The following CTNNA3 variants were observed in gnomAD, a reference collection of about 807,000 sequenced individuals.
CTNNA3 encodes catenin alpha-3.
A neutral mutation model predicts 95.7 loss-of-function variants in CTNNA3; 76 were observed. That is an observed-to-expected ratio of 0.79 (90% confidence interval 0.66 to 0.96). The LOEUF (loss-of-function observed/expected upper bound fraction) is 0.96. CTNNA3 is among the 40% of genes least tolerant of loss of function. The pLI is 0.00. For missense variants in CTNNA3, 1,191 were observed against 1,089.8 expected, an observed-to-expected ratio of 1.09 and a Z score of -1.31; for synonymous variants, 431 against 374.4, an observed-to-expected ratio of 1.15 and a Z score of -1.74.
intron 11 of CTNNA3, among the ~76,000 whole-genome samples, chr10:66,481,895 A>T (rs1280276702): frequency 6.6e-6 from 1 of 152,168 alleles, no homozygotes; most frequent in Non-Finnish European, 1.5e-5. Flanking sequence ...CAGCACAGCA[A>T]CACAGGTATT....
At chr10:67,582,952 T>C (rs1195403909) in intron 3 of CTNNA3, among the ~76,000 whole-genome samples, 3 of 152,106 alleles carry the variant, frequency 2.0e-5, no homozygotes, top group African/African-American at 7.3e-5. Context: ...CCTATGTGTG[T>C]CTCTGCACAA....
intron 10 of CTNNA3, among the ~76,000 whole-genome samples, chr10:66,604,548 A>G (rs1447618745): frequency 6.6e-6 from 1 of 152,080 alleles, no homozygotes; most frequent in East Asian, 1.9e-4. Flanking sequence ...GACACCACCC[A>G]TCAGAGAGTA....
intron 17 of CTNNA3, among the ~76,000 whole-genome samples, chr10:65,922,574 A>G (rs2077105030): frequency 6.6e-6 from 1 of 152,248 alleles, no homozygotes; most frequent in Non-Finnish European, 1.5e-5. Context: ...GTTCTAGGAC[A>G]TGGAAGTACA....
At chr10:66,117,955 G>C (rs2082409183) in intron 13 of CTNNA3, among the ~76,000 whole-genome samples, 1 of 152,256 alleles carries the variant, frequency 6.6e-6, no homozygotes, top group Non-Finnish European at 1.5e-5. Flanking sequence ...GCCCAAGAGA[G>C]AGACCACAGC....
intron 5 of CTNNA3, among the ~76,000 whole-genome samples, chr10:67,478,810 C>A (rs1013325286): frequency 6.6e-5 from 10 of 151,346 alleles, no homozygotes; most frequent in African/African-American, 2.4e-4. Context: ...AGTCTAAACA[C>A]CCCCACTTAA....
intron 7 of CTNNA3, 21 bp downstream of exon 7, chr10:67,180,296 G>A (rs771629381): frequency 9.3e-6 from 15 of 1,607,154 alleles, no homozygotes; most frequent in Non-Finnish European, 1.3e-5. Flanking sequence ...CTAGGGATGG[G>A]AAGGCAAACC....
At chr10:67,086,865 T>C (rs760944197) in intron 7 of CTNNA3, among the ~76,000 whole-genome samples, 1 of 152,026 alleles carries the variant, frequency 6.6e-6, no homozygotes. Context: ...GCCATACTTA[T>C]ATAAACCTAG....
In CTNNA3 at chr10:66,436,668, T is replaced by C. The variant is rs186487649; in HGVS notation, c.1532-57316A>G. 1.1e-4 allele frequency among the ~76,000 whole-genome samples: 17 copies of C among 152,216 alleles called. No homozygotes were observed. In the South Asian group the frequency reaches 3.5e-3, roughly 32 times the overall value. ...CAATTTGTCAGTCTGTGTCTTTTAA[T>C]TGGGGCATTTAGTCAATTTACACTT... On this transcript the variant is annotated intron_variant, in intron 11 of 17. Coordinates refer to ENST00000433211, the MANE Select transcript of CTNNA3 (RefSeq NM_013266.4).
chr10:66,612,742 A>C lies in CTNNA3; in HGVS notation c.1374+8950T>G, dbSNP rs187641072. On this transcript the variant is annotated intron_variant, in intron 10 of 17. Coordinates refer to ENST00000433211, the MANE Select transcript of CTNNA3 (RefSeq NM_013266.4). Reference sequence around the variant, plus strand: ...ACAGACTCAATTGTTTACTTTTTTCAATTTCTATTACATGTTTTTCCATCT... The same window carrying C: ...ACAGACTCAATTGTTTACTTTTTTCCATTTCTATTACATGTTTTTCCATCT... Among the ~76,000 whole-genome samples the C allele has an allele frequency of 3.3e-5, 5 of 152,072 alleles. No homozygotes were observed. The East Asian group carries it at 9.7e-4, about 29-fold the overall frequency.
At chr10:67,324,274 T>C (rs948007247) in intron 5 of CTNNA3, among the ~76,000 whole-genome samples, 4 of 152,020 alleles carry the variant, frequency 2.6e-5, no homozygotes, top group African/African-American at 7.2e-5. Flanking sequence ...TTGAATAGGA[T>C]TGGTGAGAGA....
At chr10:67,377,615 A>AT (rs1428540414) in intron 5 of CTNNA3, among the ~76,000 whole-genome samples, 1 of 89,474 alleles carries the variant, frequency 1.1e-5, no homozygotes, top group Non-Finnish European at 2.5e-5. Flanking sequence ...TTCTTTCTCT[A>AT]TAAAAAGAGC....
intron 7 of CTNNA3, among the ~76,000 whole-genome samples, chr10:66,865,199 GGTGTGTGTGTGTGCGT>G (rs1476259175): frequency 2.2e-5 from 3 of 138,256 alleles, no homozygotes; most frequent in South Asian, 2.3e-4. Flanking sequence ...ACAGGCATGG[GGTGTGTGTGTGTGCGT>G]GTGTGTGTGT....
chr10:66,227,230 G>A (rs1298864224), intron 13 of CTNNA3, among the ~76,000 whole-genome samples: 1 of 152,124 alleles, frequency 6.6e-6, no homozygotes, highest in Non-Finnish European at 1.5e-5. Context: ...TTAAATAAGA[G>A]TGGTGAAAGT....
At chr10:67,498,094 C>T (rs1334305831) in intron 5 of CTNNA3, among the ~76,000 whole-genome samples, 2 of 152,180 alleles carry the variant, frequency 1.3e-5, no homozygotes, top group African/African-American at 4.8e-5. Flanking sequence ...TTTAATCCAT[C>T]TTGAATTAAT....
intron 13 of CTNNA3, among the ~76,000 whole-genome samples, chr10:66,185,933 C>T (rs893411496): frequency 4.6e-5 from 7 of 151,866 alleles, no homozygotes; most frequent in African/African-American, 1.7e-4. Flanking sequence ...CACACTCTCT[C>T]TCTCTATATA....
intron 5 of CTNNA3, among the ~76,000 whole-genome samples, chr10:67,446,271 C>T (rs1846743692): frequency 6.6e-6 from 1 of 152,140 alleles, no homozygotes; most frequent in Admixed American, 6.5e-5. Flanking sequence ...CCTACACTCC[C>T]ACCCCTACTC....
intron 1 of CTNNA3, among the ~76,000 whole-genome samples, chr10:67,695,337 T>C (rs762522379): frequency 3.9e-5 from 6 of 152,224 alleles, no homozygotes; most frequent in Non-Finnish European, 7.3e-5. Context: ...TTGTCTTCCG[T>C]GTAACTGACA....
chr10:67,355,532 G>A (rs1018647970), intron 5 of CTNNA3, among the ~76,000 whole-genome samples: 2 of 151,660 alleles, frequency 1.3e-5, no homozygotes, highest in African/African-American at 2.4e-5. Flanking sequence ...TACAAATAAT[G>A]TAAGCACAAA....
At chr10:67,553,614 T>C (rs892004918) in intron 3 of CTNNA3, among the ~76,000 whole-genome samples, 11 of 152,286 alleles carry the variant, frequency 7.2e-5, no homozygotes, top group Admixed American at 5.9e-4. Flanking sequence ...AAGATTATTC[T>C]CTGGGAATTA....
Sources: allele counts gnomAD v4.1 joint callset (sites outside exome capture counted in the v4.1 genomes callset), GRCh38; gene constraint gnomAD v4.1.1; transcripts MANE v1.5; gene names NCBI Gene and HGNC (gene_info 2026-07-23, HGNC 2026-07-21).